The following FARSA variants were observed in gnomAD, a reference collection of about 807,000 sequenced individuals.
FARSA encodes the protein phenylalanyl-tRNA synthetase subunit alpha, also known as phenylalanine--tRNA ligase alpha subunit.
A neutral mutation model predicts 63.2 loss-of-function variants in FARSA; 37 were observed. That is an observed-to-expected ratio of 0.59 (90% CI 0.45 to 0.77). The LOEUF (loss-of-function observed/expected upper bound fraction) is 0.77, where lower values mean the gene tolerates loss of function less well. Ranked by LOEUF, FARSA falls within the 30% of genes least tolerant of loss-of-function variation. The pLI is 0.00. For synonymous variants in FARSA, 312 were observed against 285.1 expected, an observed-to-expected ratio of 1.09 and a Z score of -0.95; for missense variants, 618 against 696.6, an observed-to-expected ratio of 0.89 and a Z score of 1.27.
Position 12,924,875 on chromosome 19 carries a change from A to G in FARSA, c.1026+29T>C. ...GTCCCTTTGACAGCACCCTCTCCCC[A>G]CTGGGGCCCCCGCCTGGGCCAACCG... On this transcript the variant is annotated intron_variant, in intron 9 of 12. Transcript: ENST00000314606. This position sits in a 1 kb window ranked among gnomAD's most constrained non-coding sequence, Gnocchi z 6.4. 6.2e-7 allele frequency: 1 copy of G among 1,614,036 alleles called. No homozygotes were observed. Among genetic ancestry groups the G allele is most frequent in the South Asian group, 1.1e-5 (1 of 91,070 alleles).
At chr19:12,930,940 G>A (rs774653923) in intron 1 of FARSA, among the ~76,000 whole-genome samples, 191 bp from the exon 2 acceptor site, 17 of 152,180 alleles carry the variant, frequency 1.1e-4, no homozygotes, top group Non-Finnish European at 1.0e-4. Flanking sequence ...TTTCCCTTAT[G>A]TAACACAGGG....
chr19:12,924,297 G>A lies in FARSA; in HGVS notation c.1274-32C>T. ...AGGCAGGACAGAAAAGACGGGCAGT[G>A]CGTGTTGAGTTTCTGGGCACTGCTG... On this transcript the variant is annotated intron_variant, in intron 11 of 12. Transcript: ENST00000314606. This position sits in a 1 kb window ranked among gnomAD's most constrained non-coding sequence, Gnocchi z 6.4. The A allele has an allele frequency of 1.3e-6, 2 of 1,595,034 alleles. No individual in the cohort carries two copies. Among genetic ancestry groups the A allele is most frequent in the South Asian group, 1.1e-5 (1 of 90,720 alleles).
chr19:12,926,243 G>A (rs1375793025), intron 7 of FARSA, among the ~76,000 whole-genome samples: 3 of 147,328 alleles, frequency 2.0e-5, no homozygotes, highest in African/African-American at 5.0e-5. Context: ...GAGCCACCGC[G>A]CCCGGCCTAT....
chr19:12,929,299 C>T (rs192061172), intron 4 of FARSA, among the ~76,000 whole-genome samples: 1 of 152,290 alleles, frequency 6.6e-6, no homozygotes, highest in African/African-American at 2.4e-5. Context: ...CTCCACCTCC[C>T]AGATTCAAGC....
intron 7 of FARSA, 65 bp downstream of exon 7, chr19:12,928,277 C>G (rs1431438874): frequency 1.5e-6 from 2 of 1,303,392 alleles, no homozygotes; most frequent in African/African-American, 2.9e-5. Flanking sequence ...GATGCCCATC[C>G]TGTAAAGGCT....
In FARSA at chr19:12,928,371, CGGGCTGGGTGCTGCTG is replaced by C; in HGVS notation, c.796_811del (p.Gln266ValfsTer156). 1 of 1,614,044 alleles carries C rather than the reference CGGGCTGGGTGCTGCTG, an allele frequency of 6.2e-7. No individual in the cohort carries two copies. The highest frequency in any genetic ancestry group is 8.5e-7 in the Non-Finnish European group (1 of 1,180,006). ...AAGGAAGAAGGTGTCGTGCTGGTCA[CGGGCTGGGTGCTGCTG>C]GGGCTGGAAGAGGGCGTCAAAGTTC... is the stretch of plus-strand genomic sequence containing the variant. On this transcript the variant is annotated frameshift_variant, in exon 7 of 13. Transcript: ENST00000314606. LOFTEE classifies it high-confidence loss of function.
In FARSA at chr19:12,926,358, G is replaced by A. The variant is rs537348149; in HGVS notation, c.842-1184C>T. On this transcript the variant is annotated intron_variant, in intron 7 of 12. Transcript: ENST00000314606. ...ATGATCTCGGCTAACTGCCAGCTCCGCCTCCAGGGTTCACACCATTCTCCT... is the reference window on the plus strand; with the variant it reads ...ATGATCTCGGCTAACTGCCAGCTCCACCTCCAGGGTTCACACCATTCTCCT... Among the ~76,000 whole-genome samples, 36 of 150,602 alleles carry A rather than the reference G, an allele frequency of 2.4e-4. No homozygotes were observed. In the East Asian group the frequency reaches 4.7e-3, roughly 20 times the overall value.
chr19:12,929,803 G>A (rs571452510), intron 4 of FARSA, among the ~76,000 whole-genome samples: 6 of 152,328 alleles, frequency 3.9e-5, no homozygotes, highest in African/African-American at 1.4e-4. Flanking sequence ...TCCTGTGAGA[G>A]GACGGCCCCT....
chr19:12,930,465 G>A lies in FARSA; in HGVS notation c.348C>T (p.Asp116=). Residue 116 remains aspartate, a synonymous_variant, in exon 3 of 13, where the codon GAC becomes GAT. Coordinates refer to ENST00000314606, the MANE Select transcript of FARSA (RefSeq NM_004461.3). ...KAMSNKWIRV[D]KSAADGPRVF... is the part of the protein sequence containing the mutation. ...CCCGGGGCCCGTCAGCCGCACTCTTGTCCACCCGAATCCACTTGTTGGACA... is the reference window on the plus strand; with the variant it reads ...CCCGGGGCCCGTCAGCCGCACTCTTATCCACCCGAATCCACTTGTTGGACA... 1 of 1,614,196 alleles carries A rather than the reference G, an allele frequency of 6.2e-7. No individual in the cohort carries two copies. Among genetic ancestry groups the A allele is most frequent in the Non-Finnish European group, 8.5e-7 (1 of 1,180,022 alleles).
At chr19:12,929,157 A>G (rs187666183) in intron 4 of FARSA, among the ~76,000 whole-genome samples, 104 of 152,288 alleles carry the variant, frequency 6.8e-4, no homozygotes, top group Admixed American at 1.8e-3. Context: ...TCTGTTCTGC[A>G]AAAGTCTCCC....
chr19:12,933,524 G>A, intron 1 of FARSA, 26 bp downstream of exon 1: 1 of 1,537,100 alleles, frequency 6.5e-7, no homozygotes, highest in Non-Finnish European at 8.7e-7. Flanking sequence ...AGGGCAAGGC[G>A]GTCCGGCATC....
chr19:12,933,173 AC>A, intron 1 of FARSA: 1 of 263,900 alleles, frequency 3.8e-6, no homozygotes, highest in South Asian at 4.3e-5. Context: ...CGTCACCTGC[AC>A]CAGGCCGCTC....
Position 12,925,144 on chromosome 19 carries a change from T to C in FARSA, c.872A>G (p.Asp291Gly). 1 of 1,603,890 alleles carries C rather than the reference T, an allele frequency of 6.2e-7. No homozygotes were observed. Among genetic ancestry groups the C allele is most frequent in the Non-Finnish European group, 8.5e-7 (1 of 1,176,180 alleles). The change falls in exon 8 of 13, where the codon GAC (aspartate) becomes GGC (glycine). Residue 291 changes from aspartate (D) to glycine (G), a missense_variant. Transcript: ENST00000314606. ...DPAEALQLPM[D>G]YVQRVKRTHS... The stretch of plus-strand genomic sequence containing the variant: ...GGTCCGCTTGACCCGCTGGACATAG[T>C]CCATTGGGAGCTGCAGGGCCTCCGC...
At chr19:12,925,622 T>G (rs1971317817) in intron 7 of FARSA, among the ~76,000 whole-genome samples, 1 of 152,000 alleles carries the variant, frequency 6.6e-6, no homozygotes, top group South Asian at 2.1e-4. Context: ...CCTCCCAGTG[T>G]TGGGATTACA....
chr19:12,927,144 G>A (rs535541802), intron 7 of FARSA, among the ~76,000 whole-genome samples: 15 of 152,330 alleles, frequency 9.8e-5, no homozygotes, highest in African/African-American at 2.4e-4. Context: ...TGTAGAACTC[G>A]GGGTGAGCCC....
chr19:12,922,756 C>A lies in FARSA; in HGVS notation c.1519G>T (p.Ala507Ser), dbSNP rs766521776. 4 of 1,613,680 alleles carry A rather than the reference C, an allele frequency of 2.5e-6. No homozygotes were observed. Among genetic ancestry groups the A allele is most frequent in the South Asian group, 2.2e-5 (2 of 91,060 alleles). Residue 507 changes from alanine to serine, a missense_variant, in exon 13 of 13, where the codon GCT becomes TCT. Transcript: ENST00000314606. ...AEPRPPPTQE[A>S]A Reference sequence around the variant, plus strand: ...TCCTAGAGTGGCCCATGTCACGCAGCCTCCTGTGTGGGAGGGGGCCTCGGC... The same window carrying A: ...TCCTAGAGTGGCCCATGTCACGCAGACTCCTGTGTGGGAGGGGGCCTCGGC...
chr19:12,933,451 A>C, intron 1 of FARSA, 99 bp downstream of exon 1: 1 of 1,427,624 alleles, frequency 7.0e-7, no homozygotes, highest in East Asian at 2.5e-5. Flanking sequence ...AGCTACCCCA[A>C]ACTAGGCCTG....
At position 12,924,715 on chromosome 19, in the gene FARSA, G is replaced by T. The variant is rs1473120629; in HGVS notation, c.1119C>A (p.Ile373=). The T allele has an allele frequency of 6.3e-7, 1 of 1,598,242 alleles. No individual in the cohort carries two copies. Among genetic ancestry groups the T allele is most frequent in the Non-Finnish European group, 8.6e-7 (1 of 1,169,400 alleles). ...DATHLAEFHQ[I]EGVVADHGLT... ...GACCATGATCCGCCACCACGCCCTCGATCTGGTGGAACTCAGCCAGGTGCG... is the reference window on the plus strand; with the variant it reads ...GACCATGATCCGCCACCACGCCCTCTATCTGGTGGAACTCAGCCAGGTGCG... Residue 373 remains isoleucine (I), a synonymous_variant, in exon 10 of 13, where the codon ATC becomes ATA. Coordinates refer to ENST00000314606, the MANE Select transcript of FARSA (RefSeq NM_004461.3). The surrounding 1 kb of genome is among the most constrained non-coding windows in gnomAD (Gnocchi z 6.4).
chr19:12,922,674 G>A lies in FARSA; in HGVS notation c.*74C>T. 6.3e-7 allele frequency: 1 copy of A among 1,585,136 alleles called. No individual in the cohort carries two copies. The highest frequency in any genetic ancestry group is 8.6e-7 in the Non-Finnish European group (1 of 1,165,606). ...CTCACAGAGGCCTCATAAATACAAG[G>A]TCACTGGCCAGGGATGCAAAGGAGC... is the stretch of plus-strand genomic sequence containing the variant. On this transcript the variant is annotated 3_prime_UTR_variant, in exon 13 of 13. Coordinates refer to ENST00000314606, the MANE Select transcript of FARSA (RefSeq NM_004461.3).
Sources: allele counts gnomAD v4.1 joint callset (sites outside exome capture counted in the v4.1 genomes callset), GRCh38; gene constraint gnomAD v4.1.1; non-coding constraint Gnocchi (gnomAD v3.1); transcripts MANE v1.5; gene names NCBI Gene and HGNC (gene_info 2026-07-23, HGNC 2026-07-21).